Variants in DPP10 observed in about 807,000 individuals in gnomAD.
DPP10 encodes the protein dipeptidyl peptidase like 10.
DPP10 carries 33 observed loss-of-function variants against 120.9 expected under a neutral mutation model. That is an observed-to-expected ratio of 0.27 (90% confidence interval 0.21 to 0.37). DPP10 has a LOEUF of 0.37. DPP10 is among the 10% of genes least tolerant of loss of function. DPP10 has a pLI of 1.00. For missense variants in DPP10, 816 were observed against 942.8 expected (o/e 0.87, Z 1.76); for synonymous variants, 337 against 326.1 (o/e 1.03, Z -0.36).
At chr2:114,747,133 A>G (rs977612935) in intron 1 of DPP10, among the ~76,000 whole-genome samples, 2 of 152,230 alleles carry the variant, frequency 1.3e-5, no homozygotes, top group African/African-American at 2.4e-5. Context: ...AGATAAGAGA[A>G]GAATTGAGGG....
chr2:115,458,358 C>T (rs886605347), intron 3 of DPP10, among the ~76,000 whole-genome samples: 1 of 151,960 alleles, frequency 6.6e-6, no homozygotes, highest in African/African-American at 2.4e-5. Flanking sequence ...AGAGATAAGC[C>T]CTGATTCCAT....
chr2:114,673,419 C>A (rs2105652958), intron 1 of DPP10, among the ~76,000 whole-genome samples: 1 of 152,054 alleles, frequency 6.6e-6, no homozygotes, highest in African/African-American at 2.4e-5. Context: ...TTTTTATTAC[C>A]TTTTTCTTTT....
At chr2:114,477,709 G>GTATATA (rs567750292) in intron 1 of DPP10, among the ~76,000 whole-genome samples, 2 of 110,278 alleles carry the variant, frequency 1.8e-5, no homozygotes, top group African/African-American at 2.7e-5. Context: ...ATGTGTGTGT[G>GTATATA]TATATATATA....
At chr2:115,326,456 T>C (rs1436768472) in intron 2 of DPP10, among the ~76,000 whole-genome samples, 2 of 152,218 alleles carry the variant, frequency 1.3e-5, no homozygotes, top group East Asian at 3.9e-4. Flanking sequence ...GTATTTAATA[T>C]ACTACACTTT....
At chr2:115,467,549 C>T (rs774984174) in intron 3 of DPP10, among the ~76,000 whole-genome samples, 3 of 151,860 alleles carry the variant, frequency 2.0e-5, no homozygotes, top group Non-Finnish European at 4.4e-5. Context: ...TGCACTCCAG[C>T]CTAGGTGCCA....
intron 1 of DPP10, chr2:115,234,122 G>T: frequency 3.0e-6 from 1 of 331,264 alleles, no homozygotes; most frequent in Non-Finnish European, 5.9e-6. Context: ...AAGTTTTATA[G>T]ATCTGTGTTT....
intron 3 of DPP10, among the ~76,000 whole-genome samples, chr2:115,350,420 C>T (rs1451834346): frequency 6.6e-6 from 1 of 151,970 alleles, no homozygotes; most frequent in African/African-American, 2.4e-5. Flanking sequence ...AACAGGCATT[C>T]TGCTGTTTCC....
chr2:115,509,270 G>T (rs79755416), intron 4 of DPP10, among the ~76,000 whole-genome samples: 1 of 152,114 alleles, frequency 6.6e-6, no homozygotes, highest in African/African-American at 2.4e-5. Flanking sequence ...CAGCAGAGAA[G>T]AGAAAGATTT....
intron 3 of DPP10, among the ~76,000 whole-genome samples, chr2:115,382,360 G>A (rs1055736111): frequency 2.0e-5 from 3 of 152,180 alleles, no homozygotes; most frequent in Non-Finnish European, 4.4e-5. Context: ...ACTAGGAAAG[G>A]GAACTCCCTG....
chr2:115,540,884 G>A (rs950601237), intron 5 of DPP10, among the ~76,000 whole-genome samples: 1 of 151,882 alleles, frequency 6.6e-6, no homozygotes, highest in South Asian at 2.1e-4. Context: ...CATTCTGAGG[G>A]AGAGCATTTT....
chr2:115,783,591 T>G (rs1450764361), intron 17 of DPP10, among the ~76,000 whole-genome samples: 1 of 152,204 alleles, frequency 6.6e-6, no homozygotes, highest in African/African-American at 2.4e-5. Flanking sequence ...TGTGTTGGGT[T>G]TTTGTGTGGC....
chr2:115,379,859 G>A (rs546272881), intron 3 of DPP10, among the ~76,000 whole-genome samples: 19 of 152,106 alleles, frequency 1.2e-4, no homozygotes, highest in African/African-American at 3.4e-4. Flanking sequence ...GGAGTTGAGC[G>A]GTTTTGAGTG....
intron 2 of DPP10, among the ~76,000 whole-genome samples, chr2:115,331,819 G>A (rs1178672279): frequency 6.6e-6 from 1 of 152,114 alleles, no homozygotes; most frequent in African/African-American, 2.4e-5. Context: ...GCTGGATTCG[G>A]TTTGCCAGTA....
intron 1 of DPP10, among the ~76,000 whole-genome samples, chr2:114,547,488 A>G (rs1454944306): frequency 1.3e-5 from 2 of 151,942 alleles, no homozygotes; most frequent in South Asian, 2.1e-4. Context: ...AAGCAGCTGC[A>G]TTTTGATTTT....
chr2:115,440,134 A>G (rs1295553849), intron 3 of DPP10, among the ~76,000 whole-genome samples: 2 of 151,956 alleles, frequency 1.3e-5, no homozygotes, highest in African/African-American at 4.8e-5. Context: ...TTTGTAATAG[A>G]GAAAGATAAT....
chr2:115,842,509 C>A lies in DPP10; in HGVS notation c.*164C>A. ...GAACTAGCATTTGAATACACAAGTC[C>A]AAGTCTACTGTGTTGCTAGGGGTGC... On this transcript the variant is annotated 3_prime_UTR_variant, in exon 26 of 26. Transcript: ENST00000410059. The A allele has an allele frequency of 3.9e-6, 3 of 764,786 alleles. No homozygotes were observed. The highest frequency in any genetic ancestry group is 5.8e-6 in the Non-Finnish European group (3 of 518,980). The allele number at this position is 764,786 out of a possible 1,614,324, so 47.4% of individuals were successfully genotyped here. A position where few individuals can be genotyped will look rare whatever the true frequency, so the allele number is the denominator to read the frequency against.
intron 1 of DPP10, among the ~76,000 whole-genome samples, chr2:114,502,458 T>TA (rs1387092343): frequency 6.6e-6 from 1 of 152,226 alleles, no homozygotes; most frequent in African/African-American, 2.4e-5. Context: ...ATATTTCTTG[T>TA]ATTTAAAATT....
intron 5 of DPP10, among the ~76,000 whole-genome samples, chr2:115,603,839 A>T (rs908891536): frequency 6.6e-6 from 1 of 152,182 alleles, no homozygotes; most frequent in African/African-American, 2.4e-5. Flanking sequence ...GATTTTTATC[A>T]GAAGGCACTT....
At chr2:115,393,205 C>T (rs942880470) in intron 3 of DPP10, among the ~76,000 whole-genome samples, 12 of 151,322 alleles carry the variant, frequency 7.9e-5, no homozygotes, top group Admixed American at 3.3e-4. Context: ...CCCAGCTGCT[C>T]GGGAGGCTGA....
Sources: allele counts gnomAD v4.1 joint callset (sites outside exome capture counted in the v4.1 genomes callset), GRCh38; gene constraint gnomAD v4.1.1; transcripts MANE v1.5; gene names NCBI Gene and HGNC (gene_info 2026-07-23, HGNC 2026-07-21).